The following DLG2 variants were observed in gnomAD, a reference collection of about 807,000 sequenced individuals.
DLG2 encodes discs large MAGUK scaffold protein 2.
In DLG2, 45 loss-of-function variants were observed where a neutral mutation model predicts 132.5. The observed-to-expected ratio is 0.34, with a 90% confidence interval of 0.27 to 0.44. The LOEUF (loss-of-function observed/expected upper bound fraction) is 0.44. Among genes scored for constraint, DLG2 ranks in the 20% least tolerant of loss-of-function variants. The pLI, the probability that DLG2 is intolerant of heterozygous loss-of-function variation, is 1.00. For synonymous variants in DLG2, 424 were observed against 419.6 expected, an observed-to-expected ratio of 1.01 and a Z score of -0.13; for missense variants, 1,045 against 1,196.9, an observed-to-expected ratio of 0.87 and a Z score of 1.87.
chr11:85,021,760 T>A, intron 6 of DLG2: 1 of 590,426 alleles, frequency 1.7e-6, no homozygotes, highest in Non-Finnish European at 3.1e-6. Context: ...AGTCTCCTAC[T>A]CCTGGGTTCT....
intron 21 of DLG2, chr11:83,486,016 A>ATTC: frequency 2.5e-6 from 1 of 403,700 alleles, no homozygotes; most frequent in Non-Finnish European, 4.4e-6. Context: ...CTAAAATTAC[A>ATTC]TTCTCAGAGG....
chr11:85,418,929 A>G (rs1288326276), intron 3 of DLG2, among the ~76,000 whole-genome samples: 1 of 152,186 alleles, frequency 6.6e-6, no homozygotes, highest in Admixed American at 6.5e-5. Flanking sequence ...TAGCCCATTT[A>G]CATTTAAGGT....
chr11:84,753,721 T>C (rs189444903), intron 6 of DLG2, among the ~76,000 whole-genome samples: 8 of 152,242 alleles, frequency 5.3e-5, no homozygotes, highest in Admixed American at 3.9e-4. Context: ...TCTAAAGTCA[T>C]GGAATGGGCT....
At position 85,282,205 on chromosome 11, in the gene DLG2, G is replaced by A. The variant is rs1459723618; in HGVS notation, c.186+3015C>T. On this transcript the variant is annotated intron_variant, in intron 4 of 27. Coordinates refer to ENST00000376104, the MANE Select transcript of DLG2 (RefSeq NM_001142699.3). Reference sequence around the variant, plus strand: ...AGTTGAATGATGGGTACAAGGGTCTGTGAAGGTAATGGGCAGGGGAGAATA... The same window carrying A: ...AGTTGAATGATGGGTACAAGGGTCTATGAAGGTAATGGGCAGGGGAGAATA... Among the ~76,000 whole-genome samples the A allele has an allele frequency of 2.6e-5, 4 of 152,046 alleles. No homozygotes were observed. In the South Asian group the frequency reaches 8.3e-4, roughly 32 times the overall value.
chr11:85,114,288 CAGAATAAACACTAGG>C (rs2073217725), intron 5 of DLG2, among the ~76,000 whole-genome samples: 1 of 151,894 alleles, frequency 6.6e-6, no homozygotes. Flanking sequence ...CAGCTAGAAC[CAGAATAAACACTAGG>C]GGAAAGGACA....
At chr11:83,542,861 A>G (rs972947921) in intron 19 of DLG2, among the ~76,000 whole-genome samples, 1 of 152,168 alleles carries the variant, frequency 6.6e-6, no homozygotes, top group Non-Finnish European at 1.5e-5. Flanking sequence ...CTACCTGTCT[A>G]TCTATTCCCC....
At chr11:85,584,204 C>T (rs1043798485) in intron 3 of DLG2, among the ~76,000 whole-genome samples, 1 of 152,066 alleles carries the variant, frequency 6.6e-6, no homozygotes, top group African/African-American at 2.4e-5. Context: ...GCTTGGTTCC[C>T]ACTTATAAAT....
chr11:83,843,530 A>C (rs2058034258), intron 16 of DLG2, among the ~76,000 whole-genome samples: 2 of 152,158 alleles, frequency 1.3e-5, no homozygotes, highest in South Asian at 4.1e-4. Flanking sequence ...AAGGACTTTT[A>C]GGTCCTTGTT....
At chr11:84,049,007 G>A (rs1265425184) in intron 11 of DLG2, among the ~76,000 whole-genome samples, 1 of 151,524 alleles carries the variant, frequency 6.6e-6, no homozygotes. Flanking sequence ...GACAGCTCTA[G>A]GCCTATCAAT....
chr11:83,828,409 T>C (rs965520730), intron 17 of DLG2, among the ~76,000 whole-genome samples: 7 of 152,256 alleles, frequency 4.6e-5, no homozygotes, highest in Admixed American at 2.0e-4. Flanking sequence ...TAATAACAAA[T>C]CTACTCGAGC....
chr11:83,639,956 G>A (rs116333306), intron 18 of DLG2, among the ~76,000 whole-genome samples: 1,753 of 152,244 alleles, frequency 0.012, 37 homozygotes, highest in African/African-American at 0.039. Flanking sequence ...TTTGACTGAA[G>A]TGTTCTGAAA....
intron 6 of DLG2, among the ~76,000 whole-genome samples, chr11:84,861,650 A>T (rs1014242170): frequency 1.4e-5 from 2 of 145,856 alleles, no homozygotes; most frequent in South Asian, 2.2e-4. Flanking sequence ...CAAAAAAAAA[A>T]ACCTATCAGA....
At chr11:84,693,823 C>A (rs186673954) in intron 6 of DLG2, among the ~76,000 whole-genome samples, 1 of 151,652 alleles carries the variant, frequency 6.6e-6, no homozygotes, top group African/African-American at 2.4e-5. Flanking sequence ...GTCCCTTCCA[C>A]CTGAAATGTT....
intron 6 of DLG2, among the ~76,000 whole-genome samples, chr11:84,880,300 A>C (rs1051471481): frequency 3.9e-5 from 6 of 152,136 alleles, no homozygotes. Flanking sequence ...TTGAGAGCAC[A>C]CTTAAAACAT....
chr11:83,795,230 C>T (rs1335184488), intron 17 of DLG2, among the ~76,000 whole-genome samples: 2 of 151,860 alleles, frequency 1.3e-5, no homozygotes, highest in Non-Finnish European at 2.9e-5. Context: ...ATGGCGAAAC[C>T]CCGTCTCTAC....
chr11:83,929,756 G>A (rs2079791176), intron 15 of DLG2, among the ~76,000 whole-genome samples: 1 of 152,038 alleles, frequency 6.6e-6, no homozygotes, highest in African/African-American at 2.4e-5. Flanking sequence ...TACATAGGAT[G>A]GTAACATAAT....
intron 6 of DLG2, among the ~76,000 whole-genome samples, chr11:84,967,908 A>G (rs1417696143): frequency 6.6e-5 from 10 of 152,124 alleles, no homozygotes; most frequent in Admixed American, 1.3e-4. Flanking sequence ...TAAGCTTCTA[A>G]AAGGTCCTGT....
intron 3 of DLG2, among the ~76,000 whole-genome samples, chr11:85,538,848 A>G (rs182554769): frequency 6.6e-6 from 1 of 151,892 alleles, no homozygotes; most frequent in African/African-American, 2.4e-5. Flanking sequence ...TGAGTGGAAC[A>G]GGGGAAGGAG....
intron 19 of DLG2, among the ~76,000 whole-genome samples, chr11:83,548,921 T>C (rs1373282384): frequency 2.6e-5 from 4 of 152,136 alleles, no homozygotes; most frequent in African/African-American, 7.2e-5. Context: ...AGAAACAACA[T>C]CAGGAGCTCC....
Sources: gnomAD v4.1 joint callset for allele counts (sites outside exome capture counted in the v4.1 genomes callset) on GRCh38, gnomAD v4.1.1 for gene constraint, MANE v1.5 for transcripts, NCBI Gene and HGNC (gene_info 2026-07-23, HGNC 2026-07-21) for gene names.